Variants in NARS2 observed in about 807,000 individuals in gnomAD.
NARS2 encodes the protein asparaginyl-tRNA synthetase 2, mitochondrial, also known as asparaginyl-tRNA synthetase.
A neutral mutation model predicts 62.9 loss-of-function variants in NARS2; 60 were observed. The ratio of observed to expected loss-of-function variants is 0.95; its 90% CI spans 0.77 to 1.18. NARS2 has a LOEUF of 1.18. Ranked by LOEUF, NARS2 falls within the 50% of genes most tolerant of loss-of-function variation. The pLI, the probability that NARS2 is intolerant of heterozygous loss-of-function variation, is 0.00. For missense variants in NARS2, 619 were observed against 576.4 expected (o/e 1.07, Z -0.76); for synonymous variants, 196 against 200.0 (o/e 0.98, Z 0.17).
chr11:78,474,347 A>G (rs1214989590), intron 9 of NARS2, among the ~76,000 whole-genome samples: 1 of 152,148 alleles, frequency 6.6e-6, no homozygotes, highest in Non-Finnish European at 1.5e-5. Context: ...TTTTCTCTAG[A>G]TTTTCAACTC....
chr11:78,477,985 T>C (rs1336127841), intron 9 of NARS2, among the ~76,000 whole-genome samples: 1 of 152,222 alleles, frequency 6.6e-6, no homozygotes, highest in Non-Finnish European at 1.5e-5. Flanking sequence ...AGAACTCTAA[T>C]ACACAGTCCA....
At chr11:78,486,407 A>T (rs116252581) in intron 7 of NARS2, among the ~76,000 whole-genome samples, 2,450 of 152,294 alleles carry the variant, frequency 0.016, 56 homozygotes, top group African/African-American at 0.056. Flanking sequence ...CAAGAAATGT[A>T]TATGTGAAAC....
chr11:78,501,553 C>A (rs1860283991), intron 6 of NARS2, among the ~76,000 whole-genome samples: 1 of 152,078 alleles, frequency 6.6e-6, no homozygotes, highest in African/African-American at 2.4e-5. Flanking sequence ...TAAGAAGGGT[C>A]CTGGTCACGG....
intron 5 of NARS2, among the ~76,000 whole-genome samples, chr11:78,535,192 AAT>A (rs1356756081): frequency 1.3e-5 from 2 of 152,212 alleles, no homozygotes; most frequent in Non-Finnish European, 2.9e-5. Context: ...GTGTGATGTG[AAT>A]ATATGGGTGT....
chr11:78,525,159 G>A (rs1861251734), intron 6 of NARS2, among the ~76,000 whole-genome samples: 1 of 152,086 alleles, frequency 6.6e-6, no homozygotes, highest in South Asian at 2.1e-4. Flanking sequence ...GCTAGGCAGA[G>A]CATAGAAAAG....
At chr11:78,560,068 G>A (rs1193944427) in intron 4 of NARS2, among the ~76,000 whole-genome samples, 3 of 152,026 alleles carry the variant, frequency 2.0e-5, no homozygotes, top group African/African-American at 7.3e-5. Context: ...CGTTGCTAGA[G>A]GAATACAAAG....
chr11:78,447,439 G>A (rs1857802349), intron 11 of NARS2, among the ~76,000 whole-genome samples: 1 of 152,036 alleles, frequency 6.6e-6, no homozygotes, highest in African/African-American at 2.4e-5. Context: ...GAAATGGTAT[G>A]GAAGTTCCTC....
intron 5 of NARS2, among the ~76,000 whole-genome samples, chr11:78,548,930 C>T (rs2054960749): frequency 6.6e-6 from 1 of 152,202 alleles, no homozygotes; most frequent in Non-Finnish European, 1.5e-5. Flanking sequence ...ATGTCTGAAA[C>T]AGAGCCCTCT....
In NARS2 at chr11:78,455,637, T is replaced by C. The variant is rs866987628; in HGVS notation, c.1164+10239A>G. On this transcript the variant is annotated intron_variant, in intron 11 of 13. Transcript: ENST00000281038. ...AGGACAAGAAAGATCAAGTGGTATA[T>C]CCAGGAACAAAACCCAAGTCTCCTG... Among the ~76,000 whole-genome samples, 18 of 152,212 alleles carry C rather than the reference T, an allele frequency of 1.2e-4. No individual in the cohort carries two copies. In the Middle Eastern group the frequency reaches 0.017, roughly 144 times the overall value.
intron 5 of NARS2, among the ~76,000 whole-genome samples, chr11:78,557,903 T>C (rs115908807): frequency 7.3e-5 from 11 of 150,872 alleles, no homozygotes; most frequent in African/African-American, 2.4e-4. Context: ...AATGCAGTTA[T>C]CTCCAAATGT....
rs139829674 is a variant in NARS2, at chr11:78,505,209, T to C, written c.690-12014A>G. 4.0e-3 allele frequency among the ~76,000 whole-genome samples: 606 copies of C among 150,724 alleles called. 10 individuals are homozygous for C. Among genetic ancestry groups the C allele is most frequent in the Middle Eastern group, 0.024 (7 of 292 alleles). The stretch of plus-strand genomic sequence containing the variant: ...CTGAGGAGGGAGGATCACTTCACCC[T>C]AGGAGTTTGAGACCAGCCTGGGCAA... On this transcript the variant is annotated intron_variant, in intron 6 of 13. Coordinates refer to ENST00000281038, the MANE Select transcript of NARS2 (RefSeq NM_024678.6).
intron 7 of NARS2, among the ~76,000 whole-genome samples, chr11:78,480,182 G>A (rs748419535): frequency 6.6e-6 from 1 of 152,140 alleles, no homozygotes; most frequent in Non-Finnish European, 1.5e-5. Flanking sequence ...TTATAGGCAT[G>A]AGCCACTGCA....
At chr11:78,512,776 A>G (rs188097590) in intron 6 of NARS2, among the ~76,000 whole-genome samples, 65 of 152,262 alleles carry the variant, frequency 4.3e-4, no homozygotes, top group Admixed American at 1.1e-3. Context: ...AAATTTTAAA[A>G]TTTTTTAAAT....
At chr11:78,443,907 A>G (rs898780849) in intron 11 of NARS2, 149 bp from the exon 12 acceptor site, 2 of 586,978 alleles carry the variant, frequency 3.4e-6, no homozygotes, top group Non-Finnish European at 6.0e-6. Context: ...TAAGTGGACA[A>G]TTTCCTCTCT....
intron 13 of NARS2, 88 bp from the exon 14 acceptor site, chr11:78,436,902 C>G (rs1857427884): frequency 1.5e-6 from 2 of 1,365,586 alleles, no homozygotes; most frequent in African/African-American, 1.4e-5. Flanking sequence ...ACGTATTTTG[C>G]AATCATTTGT....
At chr11:78,484,319 C>A (rs1359472400) in intron 7 of NARS2, among the ~76,000 whole-genome samples, 1 of 152,108 alleles carries the variant, frequency 6.6e-6, no homozygotes, top group Non-Finnish European at 1.5e-5. Context: ...CCATTCAGGA[C>A]ACAGGCATAG....
Position 78,468,199 on chromosome 11 carries a change from TA to T in NARS2, c.1026+1047del, listed in dbSNP as rs575473624. 9.7e-4 allele frequency among the ~76,000 whole-genome samples: 143 copies of T among 147,350 alleles called. 1 individual carries two copies. Among genetic ancestry groups the T allele is most frequent in the African/African-American group, 3.6e-3 (141 of 39,342 alleles). ...TCCATCTCTTAAATATAAAGTTCTT[TA>T]AAAGCAAAACAAACAAAAAAACCCC... On this transcript the variant is annotated intron_variant, in intron 10 of 13. Transcript: ENST00000281038.
intron 4 of NARS2, among the ~76,000 whole-genome samples, chr11:78,563,215 ATT>A (rs71046983): frequency 8.6e-6 from 1 of 115,696 alleles, no homozygotes. Flanking sequence ...AACCACTTGA[ATT>A]TTTTTTTTTT....
chr11:78,467,681 T>C (rs979375963), intron 10 of NARS2, among the ~76,000 whole-genome samples: 16 of 152,026 alleles, frequency 1.1e-4, no homozygotes, highest in African/African-American at 3.1e-4. Flanking sequence ...GAGGTGATAT[T>C]TGTCAAAGTG....
Sources: gnomAD v4.1 joint callset for allele counts (sites outside exome capture counted in the v4.1 genomes callset) on GRCh38, gnomAD v4.1.1 for gene constraint, MANE v1.5 for transcripts, NCBI Gene and HGNC (gene_info 2026-07-23, HGNC 2026-07-21) for gene names.